Variants in SLC1A6 observed in about 807,000 individuals in gnomAD.
SLC1A6 encodes excitatory amino acid transporter 4.
In SLC1A6, 15 loss-of-function variants were observed where a neutral mutation model predicts 42.1. The ratio of observed to expected loss-of-function variants is 0.36; its 90% confidence interval spans 0.24 to 0.55. SLC1A6 has a LOEUF of 0.55. Ranked by LOEUF, SLC1A6 falls within the 20% of genes least tolerant of loss-of-function variation. SLC1A6 has a pLI of 0.88. For synonymous variants in SLC1A6, 317 were observed against 319.7 expected (o/e 0.99, Z 0.09); for missense variants, 542 against 772.5 (o/e 0.70, Z 3.54).
At chr19:14,960,123 GA>G (rs2045496695) in intron 6 of SLC1A6, among the ~76,000 whole-genome samples, 1 of 151,878 alleles carries the variant, frequency 6.6e-6, no homozygotes, top group Admixed American at 6.6e-5. Context: ...AGGAATGATG[GA>G]AGGAAGGAAG....
chr19:14,959,028 T>G (rs1287797634), intron 6 of SLC1A6, among the ~76,000 whole-genome samples: 1 of 152,236 alleles, frequency 6.6e-6, no homozygotes, highest in Non-Finnish European at 1.5e-5. Flanking sequence ...CTAACTTCCT[T>G]CAAGCCTCCT....
In SLC1A6 at chr19:14,971,889, A is replaced by C; in HGVS notation, c.206-15T>G. Reference sequence around the variant, plus strand: ...CAGGCTGACCCCTAGGGCCAAAAGAAGGGGTCCATGGACTGAAGTCTGGGT... The same window carrying C: ...CAGGCTGACCCCTAGGGCCAAAAGACGGGGTCCATGGACTGAAGTCTGGGT... On this transcript the variant is annotated splice_polypyrimidine_tract_variant and intron_variant, in intron 2 of 9. Transcript: ENST00000594383. 1 of 1,613,786 alleles carries C rather than the reference A, an allele frequency of 6.2e-7. No individual in the cohort carries two copies. The highest frequency in any genetic ancestry group is 8.5e-7 in the Non-Finnish European group (1 of 1,179,884).
rs181790355 is a variant in SLC1A6, at chr19:14,965,341, A to T, written c.549-980T>A. Among the ~76,000 whole-genome samples, 3 of 152,230 alleles carry T rather than the reference A, an allele frequency of 2.0e-5. No individual in the cohort carries two copies. In the East Asian group the frequency reaches 5.8e-4, roughly 29 times the overall value. On this transcript the variant is annotated intron_variant, in intron 4 of 9. Coordinates refer to ENST00000594383, the MANE Select transcript of SLC1A6 (RefSeq NM_005071.3). The stretch of plus-strand genomic sequence containing the variant: ...GCTGAGAGATTTCTTAAAGAACTAA[A>T]AGTAGATCTACCATTCCACCTAGCA...
intron 9 of SLC1A6, among the ~76,000 whole-genome samples, chr19:14,952,703 G>A (rs1228215510): frequency 3.9e-5 from 6 of 152,034 alleles, no homozygotes; most frequent in African/African-American, 1.4e-4. Flanking sequence ...TGCCTGATAG[G>A]TAAAGCCCCC....
Position 14,972,732 on chromosome 19 carries a change from A to G in SLC1A6, c.179T>C (p.Leu60Pro), listed in dbSNP as rs929907601. The G allele has an allele frequency of 4.3e-6, 7 of 1,613,926 alleles. No homozygotes were observed. Among genetic ancestry groups the G allele is most frequent in the African/African-American group, 1.3e-5 (1 of 74,958 alleles). Residue 60 changes from leucine to proline, a missense_variant, in exon 2 of 10, where the codon CTG (leucine) becomes CCG (proline). This residue lies in a region of SLC1A6 where 88 missense variants were observed against 85.5 expected (regional missense o/e 1.03). Transcript: ENST00000594383. ...LRFLRRNAFI[L>P]LTVSAVVIGV... ...AATGACCACGGCGCTGACCGTCAGC[A>G]GAATGAAGGCGTTTCGGCGCAGGAA...
chr19:14,990,544 C>T (rs917209220), intron 1 of SLC1A6, among the ~76,000 whole-genome samples: 8 of 152,056 alleles, frequency 5.3e-5, no homozygotes, highest in East Asian at 1.9e-4. Context: ...CCGAGGCAGG[C>T]GGATCACCTG....
intron 1 of SLC1A6, among the ~76,000 whole-genome samples, chr19:14,988,083 G>T (rs1250599813): frequency 6.6e-6 from 1 of 152,182 alleles, no homozygotes; most frequent in Admixed American, 6.5e-5. Context: ...TGAGGCAGGA[G>T]AATTTCTTGA....
intron 1 of SLC1A6, among the ~76,000 whole-genome samples, chr19:14,996,571 C>CTTCTTCTTCTTCTTCTTCTTCTTCTTCT (rs1309559476): frequency 3.2e-4 from 10 of 31,544 alleles, no homozygotes; most frequent in East Asian, 1.8e-3. Context: ...GTTCTTCTTC[C>CTTCTTCTTCTTCTTCTTCTTCTTCTTCT]TCTTCTTCTT....
At chr19:14,998,762 A>G (rs1294527582) in intron 1 of SLC1A6, among the ~76,000 whole-genome samples, 2 of 152,130 alleles carry the variant, frequency 1.3e-5, no homozygotes, top group East Asian at 1.9e-4. Flanking sequence ...GAAAATCTAC[A>G]CTTTTTGGAG....
intron 1 of SLC1A6, among the ~76,000 whole-genome samples, chr19:15,003,605 G>A (rs73929512): frequency 0.018 from 2,688 of 147,872 alleles, 96 homozygotes; most frequent in African/African-American, 0.064. Flanking sequence ...CTAAAAAGGG[G>A]TCTCTGATAA....
chr19:14,981,385 C>A (rs1054013509), upstream of SLC1A6, among the ~76,000 whole-genome samples: 2 of 152,134 alleles, frequency 1.3e-5, no homozygotes, highest in Non-Finnish European at 2.9e-5. Context: ...GGGACCCAGG[C>A]ATCAGTATAT....
chr19:14,966,602 A>G (rs2045576581), intron 4 of SLC1A6, among the ~76,000 whole-genome samples: 1 of 152,256 alleles, frequency 6.6e-6, no homozygotes, highest in Non-Finnish European at 1.5e-5. Context: ...TCTATTTACA[A>G]TAGCAAAGAC....
At chr19:14,991,387 G>A (rs1330601404) in intron 1 of SLC1A6, among the ~76,000 whole-genome samples, 1 of 152,152 alleles carries the variant, frequency 6.6e-6, no homozygotes, top group African/African-American at 2.4e-5. Context: ...CACTTTGGGA[G>A]GCCAAGGTGG....
chr19:15,009,118 A>G (rs1042779987), intron 1 of SLC1A6, among the ~76,000 whole-genome samples: 9 of 119,612 alleles, frequency 7.5e-5, no homozygotes, highest in Non-Finnish European at 1.2e-4. Context: ...CATATCTATC[A>G]TATATCTAGA....
chr19:14,961,896 C>T (rs1033079590), intron 6 of SLC1A6, 106 bp downstream of exon 6: 46 of 1,485,962 alleles, frequency 3.1e-5, no homozygotes, highest in African/African-American at 5.6e-5. Flanking sequence ...TCACCCAATA[C>T]GTAAATGAAT....
rs2045658128 is a variant in SLC1A6 at position 14,972,796 on chromosome 19, G to GGCGCGT, written c.109_114dup (p.Thr37_Arg38dup). 1 of 1,613,196 alleles carries GGCGCGT rather than the reference G, an allele frequency of 6.2e-7. No homozygotes were observed. The highest frequency in any genetic ancestry group is 8.5e-7 in the Non-Finnish European group (1 of 1,179,730). On this transcript the variant is annotated inframe_insertion, in exon 2 of 10. Transcript: ENST00000594383. Reference sequence around the variant, plus strand: ...TCGAGGGTCATGGTCTGCAGGCGCAGGCGCGTGCGCAGTGCTCTCTGCTGC... The same window carrying GGCGCGT: ...TCGAGGGTCATGGTCTGCAGGCGCAGGCGCGTGCGCGTGCGCAGTGCTCTCTGCTGC...
chr19:14,998,021 G>GTATA (rs1555710575), intron 1 of SLC1A6, among the ~76,000 whole-genome samples: 2 of 151,370 alleles, frequency 1.3e-5, no homozygotes, highest in African/African-American at 2.4e-5. Context: ...GTGTGTGTGT[G>GTATA]TATGCACTAT....
At position 14,968,297 on chromosome 19, in the gene SLC1A6, G is replaced by A; in HGVS notation, c.548+6C>T. 2 of 1,602,960 alleles carry A rather than the reference G, an allele frequency of 1.2e-6. No individual in the cohort carries two copies. The highest frequency in any genetic ancestry group is 1.7e-6 in the Non-Finnish European group (2 of 1,172,258). On this transcript the variant is annotated splice_donor_region_variant and intron_variant, in intron 4 of 9. Transcript: ENST00000594383. ...GTGTATATTGTGGTTTTTTAGGTTG[G>A]CACACCTGATCAGGTCCATGAAGGC...
chr19:14,977,966 T>C (rs1403849705), intron 1 of SLC1A6, among the ~76,000 whole-genome samples: 1 of 152,220 alleles, frequency 6.6e-6, no homozygotes, highest in Non-Finnish European at 1.5e-5. Context: ...ACCATCATGA[T>C]TGTCAATTAA....
Sources: gnomAD v4.1 joint callset for allele counts (sites outside exome capture counted in the v4.1 genomes callset) on GRCh38, gnomAD v4.1.1 for gene constraint, gnomAD v4.1.1 regional missense constraint, MANE v1.5 for transcripts, NCBI Gene and HGNC (gene_info 2026-07-23, HGNC 2026-07-21) for gene names.